Variants in ZBTB16 observed in about 807,000 individuals in gnomAD.
ZBTB16 encodes the protein zinc finger and BTB domain-containing protein 16.
In ZBTB16, 8 loss-of-function variants were observed where a neutral mutation model predicts 56.8. That is an observed-to-expected ratio of 0.14 (90% confidence interval 0.08 to 0.25). ZBTB16 has a LOEUF of 0.25. Among genes scored for constraint, ZBTB16 ranks in the 10% least tolerant of loss-of-function variants. The probability of loss-of-function intolerance (pLI) is 1.00; values close to 1 mark genes in which losing one functional copy is unlikely to be tolerated. For missense variants in ZBTB16, 625 were observed against 903.0 expected, an observed-to-expected ratio of 0.69 and a Z score of 3.95; for synonymous variants, 363 against 368.5, an observed-to-expected ratio of 0.98 and a Z score of 0.17.
At chr11:114,234,118 T>G (rs1944513890) in intron 4 of ZBTB16, among the ~76,000 whole-genome samples, 1 of 152,178 alleles carries the variant, frequency 6.6e-6, no homozygotes, top group East Asian at 1.9e-4. Flanking sequence ...TCCCCTTTTC[T>G]CTTGTGGAAA....
chr11:114,102,911 C>G (rs543201954), intron 2 of ZBTB16, among the ~76,000 whole-genome samples: 1 of 152,174 alleles, frequency 6.6e-6, no homozygotes, highest in Admixed American at 6.5e-5. Flanking sequence ...ATAGAGCCAG[C>G]TAAAGCTCTT....
At chr11:114,206,731 T>G (rs868727150) in intron 4 of ZBTB16, among the ~76,000 whole-genome samples, 1 of 152,236 alleles carries the variant, frequency 6.6e-6, no homozygotes, top group Non-Finnish European at 1.5e-5. Flanking sequence ...TCTAAAAAGA[T>G]AAGTAATAAA....
intron 2 of ZBTB16, among the ~76,000 whole-genome samples, chr11:114,065,550 C>T (rs1324582478): frequency 2.0e-5 from 3 of 152,048 alleles, no homozygotes; most frequent in Non-Finnish European, 1.5e-5. Context: ...CCGAGTAGCT[C>T]GGATTACAGG....
intron 4 of ZBTB16, among the ~76,000 whole-genome samples, chr11:114,230,551 A>C (rs1433339418): frequency 7.1e-6 from 1 of 140,762 alleles, no homozygotes; most frequent in African/African-American, 2.6e-5. Context: ...TGGCCACCAC[A>C]CTCTCAGGCC....
At chr11:114,192,016 A>G (rs1259915258) in intron 4 of ZBTB16, among the ~76,000 whole-genome samples, 1 of 152,130 alleles carries the variant, frequency 6.6e-6, no homozygotes, top group Non-Finnish European at 1.5e-5. Flanking sequence ...ATAAAGTGTT[A>G]TTGTCTCTGA....
At chr11:114,171,100 G>A (rs935166894) in intron 3 of ZBTB16, among the ~76,000 whole-genome samples, 2 of 152,186 alleles carry the variant, frequency 1.3e-5, no homozygotes, top group African/African-American at 4.8e-5. Context: ...AGGGACAGGT[G>A]CAGCCTTTGA....
Position 114,198,255 on chromosome 11 carries a change from G to A in ZBTB16, c.1453+11217G>A, listed in dbSNP as rs573673095. On this transcript the variant is annotated intron_variant, in intron 4 of 6. Transcript: ENST00000335953. ...CATGAGAAAGCTCAGGCTGAAGAACGGCCGCGGAACGTCATAGGCACTTTG... is the reference window on the plus strand; with the variant it reads ...CATGAGAAAGCTCAGGCTGAAGAACAGCCGCGGAACGTCATAGGCACTTTG... Among the ~76,000 whole-genome samples, 10 of 152,324 alleles carry A rather than the reference G, an allele frequency of 6.6e-5. No individual in the cohort carries two copies. In the South Asian group the frequency reaches 1.9e-3, roughly 28 times the overall value.
chr11:114,227,870 C>T (rs528311753), intron 4 of ZBTB16, among the ~76,000 whole-genome samples: 3 of 152,286 alleles, frequency 2.0e-5, no homozygotes, highest in Admixed American at 6.5e-5. Flanking sequence ...ATATGTAATG[C>T]AAAATTTGCA....
Position 114,251,060 on chromosome 11 carries a change from T to C in ZBTB16, c.*505T>C, listed in dbSNP as rs1392964394. On this transcript the variant is annotated 3_prime_UTR_variant, in exon 7 of 7. Coordinates refer to ENST00000335953, the MANE Select transcript of ZBTB16 (RefSeq NM_006006.6). Reference sequence around the variant, plus strand: ...GCTCAAAATGGCAGCTCTAGTTTGCTGGCGGCTGACTGGGGAGGAGAAGGG... The same window carrying C: ...GCTCAAAATGGCAGCTCTAGTTTGCCGGCGGCTGACTGGGGAGGAGAAGGG... 1.3e-5 allele frequency among the ~76,000 whole-genome samples: 2 copies of C among 152,156 alleles called. No individual in the cohort carries two copies. Among genetic ancestry groups the C allele is most frequent in the Non-Finnish European group, 2.9e-5 (2 of 68,014 alleles).
Position 114,064,682 on chromosome 11 carries a change from T to G in ZBTB16, c.1268+114T>G, listed in dbSNP as rs1939046727. The G allele has an allele frequency of 7.3e-7, 1 of 1,370,732 alleles. No individual in the cohort carries two copies. Among genetic ancestry groups the G allele is most frequent in the Non-Finnish European group, 1.0e-6 (1 of 996,704 alleles). The allele number at this position is 1,370,732 out of a possible 1,614,324, so 84.9% of individuals were successfully genotyped here. A position where few individuals can be genotyped will look rare whatever the true frequency, so the allele number is the denominator to read the frequency against. ...CTGGCTCCCCTGTCTTGGCAATTTG[T>G]GAAAAAACCAGAACACTTCTTCTAA... On this transcript the variant is annotated intron_variant, in intron 2 of 6. Coordinates refer to ENST00000335953, the MANE Select transcript of ZBTB16 (RefSeq NM_006006.6). This position sits in a 1 kb window ranked among gnomAD's most constrained non-coding sequence, Gnocchi z 4.2.
chr11:114,250,396 G>T lies in ZBTB16; in HGVS notation c.1863G>T (p.Leu621=). ...ACTACTCGGCCATGATCAAGCACCTGAGAACGCACAACGGCGCCTCGCCCT... is the reference window on the plus strand; with the variant it reads ...ACTACTCGGCCATGATCAAGCACCTTAGAACGCACAACGGCGCCTCGCCCT... ...SRDYSAMIKH[L]RTHNGASPYQ... Residue 621 remains leucine, a synonymous_variant, in exon 7 of 7, where the codon CTG becomes CTT. Coordinates refer to ENST00000335953, the MANE Select transcript of ZBTB16 (RefSeq NM_006006.6). This position sits in a 1 kb window ranked among gnomAD's most constrained non-coding sequence, Gnocchi z 6.0. 1 of 1,614,130 alleles carries T rather than the reference G, an allele frequency of 6.2e-7. No individual in the cohort carries two copies. The highest frequency in any genetic ancestry group is 8.5e-7 in the Non-Finnish European group (1 of 1,180,048).
chr11:114,221,195 G>A (rs1358368338), intron 4 of ZBTB16, among the ~76,000 whole-genome samples: 5 of 152,142 alleles, frequency 3.3e-5, no homozygotes, highest in Non-Finnish European at 5.9e-5. Context: ...ATATCACTGA[G>A]TAAATAGGAA....
chr11:114,255,671 T>C lies in ZBTB16; in HGVS notation c.*5116T>C, dbSNP rs1292122813. On this transcript the variant is annotated 3_prime_UTR_variant, in exon 7 of 7. Coordinates refer to ENST00000335953, the MANE Select transcript of ZBTB16 (RefSeq NM_006006.6). ...GCTTTCCGCATCTGCCTTCGTTTCG[T>C]GTAGATTGACGCGTTTCTTTGTAAT... Among the ~76,000 whole-genome samples, 1 of 150,302 alleles carries C rather than the reference T, an allele frequency of 6.7e-6. No homozygotes were observed. The highest frequency in any genetic ancestry group is 2.5e-5 in the African/African-American group (1 of 40,738).
chr11:114,157,535 C>T (rs535731969), intron 3 of ZBTB16, among the ~76,000 whole-genome samples: 6 of 152,258 alleles, frequency 3.9e-5, no homozygotes, highest in East Asian at 3.9e-4. Flanking sequence ...CCTGTTGCCC[C>T]GGGGGGCGTG....
chr11:114,127,818 C>T (rs987281789), intron 2 of ZBTB16, among the ~76,000 whole-genome samples: 1 of 152,196 alleles, frequency 6.6e-6, no homozygotes, highest in Non-Finnish European at 1.5e-5. Flanking sequence ...ATATGTGCTT[C>T]CTCCACAGTC....
intron 3 of ZBTB16, among the ~76,000 whole-genome samples, chr11:114,185,027 TA>T (rs1192813798): frequency 1.3e-5 from 2 of 150,868 alleles, no homozygotes; most frequent in African/African-American, 2.4e-5. Flanking sequence ...AATAAATAAA[TA>T]AAATAAAATA....
chr11:114,250,644 G>C lies in ZBTB16; in HGVS notation c.*89G>C. 7.5e-7 allele frequency: 1 copy of C among 1,333,500 alleles called. No homozygotes were observed. Among genetic ancestry groups the C allele is most frequent in the African/African-American group, 1.5e-5 (1 of 67,104 alleles). 82.6% of individuals were successfully genotyped at this position (1,333,500 alleles called of 1,614,324 possible). A position where few individuals can be genotyped will look rare whatever the true frequency, so the allele number is the denominator to read the frequency against. On this transcript the variant is annotated 3_prime_UTR_variant, in exon 7 of 7. Coordinates refer to ENST00000335953, the MANE Select transcript of ZBTB16 (RefSeq NM_006006.6). The surrounding 1 kb of genome is among the most constrained non-coding windows in gnomAD (Gnocchi z 6.0). ...GGAAGGACTATGACAAATAAAAAAG[G>C]AAAAGAAAAAAAAAAACAGAAGGAA...
At chr11:114,144,225 C>G (rs979895588) in intron 2 of ZBTB16, among the ~76,000 whole-genome samples, 3 of 151,796 alleles carry the variant, frequency 2.0e-5, no homozygotes, top group Non-Finnish European at 2.9e-5. Flanking sequence ...CCCACGCACA[C>G]TGGGCATGGA....
chr11:114,171,178 G>T (rs1012620869), intron 3 of ZBTB16, among the ~76,000 whole-genome samples: 2 of 152,142 alleles, frequency 1.3e-5, no homozygotes, highest in East Asian at 3.8e-4. Context: ...CCAAGAGCAG[G>T]GTCTGATTAT....
Sources: gnomAD v4.1 joint callset for allele counts (sites outside exome capture counted in the v4.1 genomes callset) on GRCh38, gnomAD v4.1.1 for gene constraint, Gnocchi (gnomAD v3.1) non-coding constraint, MANE v1.5 for transcripts, NCBI Gene and HGNC (gene_info 2026-07-23, HGNC 2026-07-21) for gene names.